The following KCTD8 variants were observed in gnomAD, a reference collection of about 807,000 sequenced individuals.
KCTD8 encodes the protein BTB/POZ domain-containing protein KCTD8.
In KCTD8, 27 loss-of-function variants were observed where a neutral mutation model predicts 31.5. The ratio of observed to expected loss-of-function variants is 0.86; its 90% CI spans 0.63 to 1.18. The LOEUF (loss-of-function observed/expected upper bound fraction) is 1.18. KCTD8 is among the 50% of genes most tolerant of loss of function. The probability of loss-of-function intolerance (pLI) is 0.00; values close to 1 mark genes in which losing one functional copy is unlikely to be tolerated. For synonymous variants in KCTD8, 290 were observed against 280.0 expected, an observed-to-expected ratio of 1.04 and a Z score of -0.36; for missense variants, 658 against 647.7, an observed-to-expected ratio of 1.02 and a Z score of -0.17.
At chr4:44,319,390 C>T (rs541180475) in intron 1 of KCTD8, among the ~76,000 whole-genome samples, 3 of 149,870 alleles carry the variant, frequency 2.0e-5, no homozygotes, top group Admixed American at 1.3e-4. Flanking sequence ...AAATGTATAG[C>T]GAAGGAAGCA....
At position 44,448,319 on chromosome 4, in the gene KCTD8, T is replaced by C; in HGVS notation, c.205A>G (p.Thr69Ala). 1 of 1,604,160 alleles carries C rather than the reference T, an allele frequency of 6.2e-7. No homozygotes were observed. Among genetic ancestry groups the C allele is most frequent in the Non-Finnish European group, 8.5e-7 (1 of 1,176,174 alleles). The stretch of plus-strand genomic sequence containing the variant: ...GAGGGCGAGAACATGCTGGCCAAAG[T>C]ACTGTCCGGGACGCTGAGCAGCGTC... ...HSTLLSVPDS[T>A]LASMFSPSSP... is the part of the protein sequence containing the mutation. Residue 69 changes from threonine (T) to alanine (A), a missense_variant, in exon 1 of 2, where the codon ACT (threonine) becomes GCT (alanine). Coordinates refer to ENST00000360029, the MANE Select transcript of KCTD8 (RefSeq NM_198353.3). This position sits in a 1 kb window ranked among gnomAD's most constrained non-coding sequence, Gnocchi z 4.1.
chr4:44,229,176 G>C (rs1247432586), intron 1 of KCTD8, among the ~76,000 whole-genome samples: 1 of 152,178 alleles, frequency 6.6e-6, no homozygotes, highest in African/African-American at 2.4e-5. Context: ...CAGGTAGCTA[G>C]GCAGGCATGA....
chr4:44,400,844 G>A (rs1254288094), intron 1 of KCTD8, among the ~76,000 whole-genome samples: 1 of 151,046 alleles, frequency 6.6e-6, no homozygotes, highest in African/African-American at 2.4e-5. Flanking sequence ...ATAATTTAAA[G>A]TAATATTTTT....
chr4:44,331,425 T>C (rs1012480404), intron 1 of KCTD8, among the ~76,000 whole-genome samples: 1 of 151,876 alleles, frequency 6.6e-6, no homozygotes, highest in Non-Finnish European at 1.5e-5. Context: ...GGAAAATATG[T>C]CTGCCCTATA....
chr4:44,411,143 G>T (rs149779157), intron 1 of KCTD8, among the ~76,000 whole-genome samples: 22 of 152,010 alleles, frequency 1.4e-4, no homozygotes, highest in Admixed American at 5.9e-4. Flanking sequence ...TATCTTATAT[G>T]CTTGAAACAA....
At chr4:44,446,617 C>T (rs1721944694) in intron 1 of KCTD8, among the ~76,000 whole-genome samples, 1 of 152,170 alleles carries the variant, frequency 6.6e-6, no homozygotes, top group Non-Finnish European at 1.5e-5. Context: ...GCTCCGGAAG[C>T]GCACTGCAAA....
Position 44,422,910 on chromosome 4 carries a change from G to A in KCTD8, c.961+24653C>T, listed in dbSNP as rs1721254248. Among the ~76,000 whole-genome samples, 3 of 152,052 alleles carry A rather than the reference G, an allele frequency of 2.0e-5. No homozygotes were observed. In the South Asian group the frequency reaches 6.2e-4, roughly 31 times the overall value. On this transcript the variant is annotated intron_variant, in intron 1 of 1. Coordinates refer to ENST00000360029, the MANE Select transcript of KCTD8 (RefSeq NM_198353.3). Reference sequence around the variant, plus strand: ...GATGGTAGAGGTGGCTGTTGTGGCTGCTGTTACTGATGTTGTTGTTGGTGG... The same window carrying A: ...GATGGTAGAGGTGGCTGTTGTGGCTACTGTTACTGATGTTGTTGTTGGTGG...
rs1720838741 is a variant in KCTD8, at chr4:44,407,829, T to C, written c.961+39734A>G. Among the ~76,000 whole-genome samples the C allele has an allele frequency of 2.6e-5, 4 of 152,276 alleles. No individual in the cohort carries two copies. The South Asian group carries it at 8.3e-4, about 32-fold the overall frequency. On this transcript the variant is annotated intron_variant, in intron 1 of 1. Coordinates refer to ENST00000360029, the MANE Select transcript of KCTD8 (RefSeq NM_198353.3). Reference sequence around the variant, plus strand: ...GGATAAAACTAAATACCTATATTTATTATATATTAAACTGTACCATTATAA... The same window carrying C: ...GGATAAAACTAAATACCTATATTTACTATATATTAAACTGTACCATTATAA...
chr4:44,180,185 T>C (rs1415586196), intron 1 of KCTD8, among the ~76,000 whole-genome samples: 1 of 152,088 alleles, frequency 6.6e-6, no homozygotes, highest in Non-Finnish European at 1.5e-5. Context: ...CCCAATATAC[T>C]TGGTTTAAAA....
rs911584908 is a variant in KCTD8, at chr4:44,175,015, T to C, written c.1197A>G (p.Gln399=). The C allele has an allele frequency of 1.9e-6, 3 of 1,614,092 alleles. No homozygotes were observed. The highest frequency in any genetic ancestry group is 2.5e-6 in the Non-Finnish European group (3 of 1,179,984). ...TGCGTTTGTCTGGTGGGGGTATCCA[T>C]TGTACAGGTGCTTTTTTAGAGGGGC... The part of the protein sequence containing the change: ...LDRPSKKAPV[Q]WIPPPDKRRN... The change falls in exon 2 of 2, where the codon CAA becomes CAG. Residue 399 remains glutamine, a synonymous_variant. Coordinates refer to ENST00000360029, the MANE Select transcript of KCTD8 (RefSeq NM_198353.3).
chr4:44,285,993 A>T (rs1404537816), intron 1 of KCTD8, among the ~76,000 whole-genome samples: 1 of 152,186 alleles, frequency 6.6e-6, no homozygotes, highest in African/African-American at 2.4e-5. Context: ...GAGTTAAATT[A>T]AAAGATTAAC....
intron 1 of KCTD8, among the ~76,000 whole-genome samples, chr4:44,256,765 G>A (rs1185171416): frequency 6.6e-6 from 1 of 151,882 alleles, no homozygotes; most frequent in Non-Finnish European, 1.5e-5. Context: ...ATGAGCCAAA[G>A]AATGCAGGTG....
chr4:44,417,904 C>T (rs941131531), intron 1 of KCTD8, among the ~76,000 whole-genome samples: 5 of 152,042 alleles, frequency 3.3e-5, no homozygotes, highest in Non-Finnish European at 7.4e-5. Flanking sequence ...CTCACTGATA[C>T]TAATGGGATT....
Position 44,213,120 on chromosome 4 carries a change from G to C in KCTD8, c.962-37870C>G, listed in dbSNP as rs376141489. Among the ~76,000 whole-genome samples the C allele has an allele frequency of 4.6e-5, 7 of 151,934 alleles. No homozygotes were observed. In the East Asian group the frequency reaches 1.4e-3, roughly 29 times the overall value. ...GCCCGCTAATTTTTTGTATTTTTTA[G>C]TAGAGACGGGTTTCACCATCTTAGC... On this transcript the variant is annotated intron_variant, in intron 1 of 1. Transcript: ENST00000360029.
intron 1 of KCTD8, among the ~76,000 whole-genome samples, chr4:44,339,068 T>C (rs984574731): frequency 3.3e-5 from 5 of 152,192 alleles, no homozygotes; most frequent in African/African-American, 1.2e-4. Flanking sequence ...TTAGGGTTAA[T>C]AAAGTGATTA....
chr4:44,273,316 G>C (rs1716663939), intron 1 of KCTD8, among the ~76,000 whole-genome samples: 1 of 151,804 alleles, frequency 6.6e-6, no homozygotes, highest in South Asian at 2.1e-4. Flanking sequence ...GCTCTCCCAG[G>C]ATCAAATTTA....
At chr4:44,181,025 T>C (rs1713367215) in intron 1 of KCTD8, among the ~76,000 whole-genome samples, 1 of 152,190 alleles carries the variant, frequency 6.6e-6, no homozygotes, top group Non-Finnish European at 1.5e-5. Context: ...AAAACATTAT[T>C]AATTTATGTC....
chr4:44,229,244 A>G (rs1458200720), intron 1 of KCTD8, among the ~76,000 whole-genome samples: 3 of 152,154 alleles, frequency 2.0e-5, no homozygotes, highest in African/African-American at 7.2e-5. Flanking sequence ...TGGTTTGGCA[A>G]TTATCACGTT....
chr4:44,352,355 T>C (rs1489825380), intron 1 of KCTD8, among the ~76,000 whole-genome samples: 1 of 151,314 alleles, frequency 6.6e-6, no homozygotes, highest in Non-Finnish European at 1.5e-5. Context: ...ACTTGATTGA[T>C]AAGGATGGGA....
Sources: gnomAD v4.1 joint callset for allele counts (sites outside exome capture counted in the v4.1 genomes callset) on GRCh38, gnomAD v4.1.1 for gene constraint, Gnocchi (gnomAD v3.1) non-coding constraint, MANE v1.5 for transcripts, NCBI Gene and HGNC (gene_info 2026-07-23, HGNC 2026-07-21) for gene names.